The following MYZAP variants were observed in gnomAD, a reference collection of about 807,000 sequenced individuals.
The protein encoded by MYZAP is GRINL1A complex locus upstream.
A neutral mutation model predicts 69.4 loss-of-function variants in MYZAP; 66 were observed. That is an observed-to-expected ratio of 0.95 (90% CI 0.78 to 1.17). The LOEUF (loss-of-function observed/expected upper bound fraction) is 1.17, where lower values mean the gene tolerates loss of function less well. Among genes scored for constraint, MYZAP ranks in the 50% most tolerant of loss-of-function variants. The pLI, the probability that MYZAP is intolerant of heterozygous loss-of-function variation, is 0.00. For missense variants in MYZAP, 611 were observed against 556.2 expected (o/e 1.10, Z -0.99); for synonymous variants, 256 against 205.9 (o/e 1.24, Z -2.09).
chr15:57,670,555 T>C (rs1394784090), intron 11 of MYZAP, among the ~76,000 whole-genome samples: 1 of 152,108 alleles, frequency 6.6e-6, no homozygotes, highest in Admixed American at 6.5e-5. Context: ...TGCCATTTAA[T>C]TGGAGTATGT....
rs1016145157 is a variant in MYZAP, at chr15:57,633,506, A to C, written c.805-107A>C. 39 of 1,385,480 alleles carry C rather than the reference A, an allele frequency of 2.8e-5. No individual in the cohort carries two copies. In the Middle Eastern group the frequency reaches 7.7e-4, roughly 27 times the overall value. 85.8% of individuals were successfully genotyped at this position (1,385,480 alleles called of 1,614,324 possible). On this transcript the variant is annotated intron_variant, in intron 7 of 12. Transcript: ENST00000267853. Reference sequence around the variant, plus strand: ...TGAGACACTTTCAGGTTCCAAGGTCATGTTTTAAAGAGAAATCGTGATCTA... The same window carrying C: ...TGAGACACTTTCAGGTTCCAAGGTCCTGTTTTAAAGAGAAATCGTGATCTA...
intron 4 of MYZAP, among the ~76,000 whole-genome samples, chr15:57,623,498 C>T (rs1301123282): frequency 6.6e-6 from 1 of 151,984 alleles, no homozygotes; most frequent in Non-Finnish European, 1.5e-5. Flanking sequence ...TTTGGGAGGC[C>T]GAGGCAGGTG....
intron 2 of MYZAP, among the ~76,000 whole-genome samples, chr15:57,608,788 C>G (rs2034921189): frequency 1.3e-5 from 2 of 152,210 alleles, no homozygotes; most frequent in African/African-American, 2.4e-5. Flanking sequence ...TGGAGTTATT[C>G]TCCTGCCTGA....
intron 10 of MYZAP, among the ~76,000 whole-genome samples, chr15:57,650,133 G>A (rs2037654673): frequency 6.6e-6 from 1 of 152,166 alleles, no homozygotes; most frequent in African/African-American, 2.4e-5. Flanking sequence ...CGGAAAGCTT[G>A]TTTCTCTAAT....
chr15:57,666,761 C>T (rs1021664820), intron 11 of MYZAP, among the ~76,000 whole-genome samples: 1 of 152,144 alleles, frequency 6.6e-6, no homozygotes, highest in Admixed American at 6.5e-5. Context: ...TACCCCACAC[C>T]TCAGCATCCC....
chr15:57,608,993 C>T lies in MYZAP; in HGVS notation c.162+4638C>T, dbSNP rs535186829. Among the ~76,000 whole-genome samples the T allele has an allele frequency of 2.6e-5, 4 of 152,304 alleles. No homozygotes were observed. In the East Asian group the frequency reaches 7.7e-4, roughly 29 times the overall value. On this transcript the variant is annotated intron_variant, in intron 2 of 12. Transcript: ENST00000267853. ...AGACTTCTATGTGCTGGGGTGGTCA[C>T]TCTTCCCTTAACCTACAGGACACCC...
chr15:57,639,081 C>T (rs2036978581), intron 9 of MYZAP, among the ~76,000 whole-genome samples: 1 of 152,186 alleles, frequency 6.6e-6, no homozygotes, highest in Admixed American at 6.5e-5. Context: ...GTGGTCATCA[C>T]ATAAAGTAAG....
chr15:57,614,738 C>T lies in MYZAP; in HGVS notation c.163-3295C>T, dbSNP rs549032235. ...GAGACCCTGGGATGCTACATGGAGA[C>T]GTGAGTTCCAGTTGTTCTCCTGACT... On this transcript the variant is annotated intron_variant, in intron 2 of 12. Coordinates refer to ENST00000267853, the MANE Select transcript of MYZAP (RefSeq NM_001018100.5). Among the ~76,000 whole-genome samples the T allele has an allele frequency of 9.2e-5, 14 of 152,096 alleles. No homozygotes were observed. In the South Asian group the frequency reaches 1.5e-3, roughly 16 times the overall value.
intron 10 of MYZAP, among the ~76,000 whole-genome samples, chr15:57,659,848 C>G (rs1297281410): frequency 6.6e-6 from 1 of 152,044 alleles, no homozygotes; most frequent in African/African-American, 2.4e-5. Flanking sequence ...TTACATAAAC[C>G]TATGTAATAA....
chr15:57,633,039 C>T (rs918736950), intron 7 of MYZAP, among the ~76,000 whole-genome samples: 4 of 152,190 alleles, frequency 2.6e-5, no homozygotes, highest in Non-Finnish European at 4.4e-5. Flanking sequence ...TCTGCTTTTA[C>T]TTTGGAATTC....
chr15:57,676,131 C>G (rs1355666012), intron 12 of MYZAP, among the ~76,000 whole-genome samples: 1 of 152,134 alleles, frequency 6.6e-6, no homozygotes, highest in Non-Finnish European at 1.5e-5. Context: ...TTCTCAACTT[C>G]TAAAGTCAGT....
intron 2 of MYZAP, among the ~76,000 whole-genome samples, chr15:57,607,874 G>A (rs1188200123): frequency 6.6e-6 from 1 of 152,208 alleles, no homozygotes; most frequent in Non-Finnish European, 1.5e-5. Context: ...CCTGGCATGA[G>A]TCACTGAGGG....
chr15:57,623,466 C>T (rs2035939317), intron 4 of MYZAP, among the ~76,000 whole-genome samples: 1 of 152,140 alleles, frequency 6.6e-6, no homozygotes, highest in Admixed American at 6.5e-5. Flanking sequence ...GGCACGGTGG[C>T]TCACGCTTAT....
Position 57,621,652 on chromosome 15 carries a change from CTA to C in MYZAP, c.365_366del (p.Tyr122Ter). The stretch of plus-strand genomic sequence containing the variant: ...AGGTGAGAAAGCGAATGTATGGAGA[CTA>C]TGATGAGATGAGACAGAAGATTCGA... Reference protein sequence around the residue: ...EKVRKRMYGDYDEMRQKIRQL... With the variant: ...EKVRKRMYGDXDEMRQKIRQL... On this transcript the variant is annotated frameshift_variant, in exon 4 of 13. Coordinates refer to ENST00000267853, the MANE Select transcript of MYZAP (RefSeq NM_001018100.5). LOFTEE classifies it high-confidence loss of function. The C allele has an allele frequency of 6.2e-7, 1 of 1,613,944 alleles. No homozygotes were observed. The highest frequency in any genetic ancestry group is 8.5e-7 in the Non-Finnish European group (1 of 1,179,908).
rs1289399915 is a variant in MYZAP at position 57,675,047 on chromosome 15, T to C, written c.1283T>C (p.Val428Ala). ...KTEVETREIG[V>A]GCDLLPSQTG... ...GAAGTGGAAACCAGAGAGATAGGAG[T>C]GGGCTGTGATCTTCTACCCAGGTAT... Residue 428 changes from valine (V) to alanine (A), a missense_variant, in exon 12 of 13, where the codon GTG becomes GCG. By Grantham distance (64) the Val-to-Ala change is moderately conservative (BLOSUM62 0). Transcript: ENST00000267853. 6.2e-7 allele frequency: 1 copy of C among 1,612,566 alleles called. No individual in the cohort carries two copies. The highest frequency in any genetic ancestry group is 2.2e-5 in the East Asian group (1 of 44,826).
chr15:57,652,582 C>CA (rs1361320674), intron 10 of MYZAP, among the ~76,000 whole-genome samples: 4 of 152,104 alleles, frequency 2.6e-5, no homozygotes, highest in African/African-American at 7.2e-5. Context: ...CTCATAGTCA[C>CA]AGTGGGTATG....
chr15:57,620,989 TTAA>T (rs1315153094), intron 3 of MYZAP, among the ~76,000 whole-genome samples: 1 of 148,280 alleles, frequency 6.7e-6, no homozygotes, highest in Non-Finnish European at 1.5e-5. Context: ...TTTTATGTAA[TTAA>T]TATATATTAG....
At chr15:57,625,148 A>G (rs2036053001) in intron 4 of MYZAP, among the ~76,000 whole-genome samples, 1 of 150,960 alleles carries the variant, frequency 6.6e-6, no homozygotes, top group Non-Finnish European at 1.5e-5. Context: ...ACCTTGGCTC[A>G]CTGCAACCTC....
chr15:57,673,745 G>A (rs2038988099), intron 11 of MYZAP, among the ~76,000 whole-genome samples: 1 of 152,090 alleles, frequency 6.6e-6, no homozygotes, highest in Admixed American at 6.6e-5. Flanking sequence ...TTTCAGAGCG[G>A]GAGCTACTGA....
Sources: allele counts gnomAD v4.1 joint callset (sites outside exome capture counted in the v4.1 genomes callset), GRCh38; gene constraint gnomAD v4.1.1; transcripts MANE v1.5; gene names NCBI Gene and HGNC (gene_info 2026-07-23, HGNC 2026-07-21).